Variants in PRMT8 observed in about 807,000 individuals in gnomAD.
PRMT8 encodes the protein protein arginine N-methyltransferase 8.
In PRMT8, 7 loss-of-function variants were observed where a neutral mutation model predicts 47.1. The ratio of observed to expected loss-of-function variants is 0.15; its 90% CI spans 0.08 to 0.28. The LOEUF is 0.28. Ranked by LOEUF, PRMT8 falls within the 10% of genes least tolerant of loss-of-function variation. The pLI is 1.00. For missense variants in PRMT8, 237 were observed against 505.4 expected, an observed-to-expected ratio of 0.47 and a Z score of 5.09; for synonymous variants, 188 against 186.5, an observed-to-expected ratio of 1.01 and a Z score of -0.07.
chr12:3,465,980 G>A (rs1182825887), intron 1 of PRMT8, among the ~76,000 whole-genome samples: 1 of 152,146 alleles, frequency 6.6e-6, no homozygotes, highest in African/African-American at 2.4e-5. Flanking sequence ...TGAAAGGGGG[G>A]AGCTAGCCAC....
chr12:3,581,840 C>G (rs1867073406), intron 7 of PRMT8, among the ~76,000 whole-genome samples: 2 of 152,218 alleles, frequency 1.3e-5, no homozygotes, highest in Non-Finnish European at 2.9e-5. Context: ...TCTGTCCATC[C>G]CTGTGGAGTT....
At chr12:3,560,460 G>A (rs758863507) in intron 4 of PRMT8, among the ~76,000 whole-genome samples, 3 of 152,168 alleles carry the variant, frequency 2.0e-5, no homozygotes, top group Admixed American at 1.3e-4. Context: ...GCCCACACGC[G>A]CGCTTCAGTG....
At position 3,409,042 on chromosome 12, in the gene PRMT8, G is replaced by A. The variant is rs573145374; in HGVS notation, c.48+27600G>A. ...GGCTGCAGTGGTGCTGGGTTCTGGGGTGCAGGTGCTCAGAGTGGCTGTAAA... is the reference window on the plus strand; with the variant it reads ...GGCTGCAGTGGTGCTGGGTTCTGGGATGCAGGTGCTCAGAGTGGCTGTAAA... On this transcript the variant is annotated intron_variant, in intron 1 of 9. Transcript: ENST00000452611. This position sits in a 1 kb window ranked among gnomAD's most constrained non-coding sequence, Gnocchi z 4.4. 3.9e-5 allele frequency among the ~76,000 whole-genome samples: 6 copies of A among 152,206 alleles called. No homozygotes were observed. Among genetic ancestry groups the A allele is most frequent in the African/African-American group, 1.4e-4 (6 of 41,452 alleles).
chr12:3,441,583 C>T (rs6489467), intron 1 of PRMT8, among the ~76,000 whole-genome samples: 31,789 of 152,174 alleles, frequency 0.21, 6,069 homozygotes, highest in African/African-American at 0.51. Flanking sequence ...GAGGGTGCTC[C>T]GTGCTCCACA....
intron 1 of PRMT8, among the ~76,000 whole-genome samples, chr12:3,516,064 C>T (rs1565428270): frequency 2.0e-5 from 3 of 152,228 alleles, no homozygotes; most frequent in African/African-American, 7.2e-5. Context: ...TGCCCAACCT[C>T]CTTCTGAGAT....
At position 3,552,194 on chromosome 12, in the gene PRMT8, T is replaced by G. The variant is rs1469047816; in HGVS notation, c.418-1457T>G. 6.5e-6 allele frequency: 1 copy of G among 153,134 alleles called. No homozygotes were observed. Among genetic ancestry groups the G allele is most frequent in the African/African-American group, 2.4e-5 (1 of 41,326 alleles). The allele number at this position is 153,134 out of a possible 1,614,324, so 9.5% of individuals were successfully genotyped here. A position where few individuals can be genotyped will look rare whatever the true frequency, so the allele number is the denominator to read the frequency against. ...GTGAGTCCAGATCGCGCCATTGCAC[T>G]CCAGCCTGGGCGACAAAGTGAGATT... is the stretch of plus-strand genomic sequence containing the variant. On this transcript the variant is annotated intron_variant, in intron 3 of 9. Transcript: ENST00000382622. This position sits in a 1 kb window ranked among gnomAD's most constrained non-coding sequence, Gnocchi z 4.5.
intron 4 of PRMT8, among the ~76,000 whole-genome samples, chr12:3,562,718 G>A (rs1381475581): frequency 2.0e-5 from 3 of 152,130 alleles, no homozygotes; most frequent in East Asian, 1.9e-4. Flanking sequence ...GGACATTGGC[G>A]GATGCTACAA....
rs923368655 is a variant in PRMT8, at chr12:3,593,535, A to G, written c.*353A>G. On this transcript the variant is annotated 3_prime_UTR_variant, in exon 10 of 10. Transcript: ENST00000382622. This position sits in a 1 kb window ranked among gnomAD's most constrained non-coding sequence, Gnocchi z 4.8. Reference sequence around the variant, plus strand: ...TGAGTTTTGCATGCTGCGGGTGTCTAGGACAGATTGCTTCCACTAGAACCT... The same window carrying G: ...TGAGTTTTGCATGCTGCGGGTGTCTGGGACAGATTGCTTCCACTAGAACCT... 6 of 294,138 alleles carry G rather than the reference A, an allele frequency of 2.0e-5. No homozygotes were observed. Among genetic ancestry groups the G allele is most frequent in the Non-Finnish European group, 3.2e-5 (5 of 156,272 alleles). The allele number at this position is 294,138 out of a possible 1,614,324, so 18.2% of individuals were successfully genotyped here. A position where few individuals can be genotyped will look rare whatever the true frequency, so the allele number is the denominator to read the frequency against.
At chr12:3,475,317 G>A (rs1011158893) in intron 1 of PRMT8, among the ~76,000 whole-genome samples, 2 of 152,208 alleles carry the variant, frequency 1.3e-5, no homozygotes, top group East Asian at 1.9e-4. Flanking sequence ...GGAAATGCAC[G>A]ATTTCTTATT....
rs910441892 is a variant in PRMT8 at position 3,460,719 on chromosome 12, T to A, written c.48+79277T>A. On this transcript the variant is annotated intron_variant, in intron 1 of 9. Transcript: ENST00000452611. ...TTGCCCAAGTCTCACAGCTAGCAAG[T>A]AAGAAGCTATAGGTTTCAAACTTGG... is the stretch of plus-strand genomic sequence containing the variant. 6.6e-5 allele frequency among the ~76,000 whole-genome samples: 10 copies of A among 151,820 alleles called. No homozygotes were observed. In the East Asian group the frequency reaches 1.7e-3, roughly 26 times the overall value.
intron 1 of PRMT8, among the ~76,000 whole-genome samples, chr12:3,428,865 T>C (rs1180941798): frequency 6.6e-6 from 1 of 151,774 alleles, no homozygotes; most frequent in Admixed American, 6.6e-5. Flanking sequence ...ACTCTCTCTT[T>C]GTCTCTCTGT....
intron 1 of PRMT8, among the ~76,000 whole-genome samples, chr12:3,454,475 G>C (rs887588534): frequency 6.6e-6 from 1 of 152,158 alleles, no homozygotes; most frequent in Admixed American, 6.5e-5. Context: ...GGGGAGGGGG[G>C]TGTCTAGGAA....
At chr12:3,536,740 C>T (rs1397090955) in intron 1 of PRMT8, among the ~76,000 whole-genome samples, 2 of 152,196 alleles carry the variant, frequency 1.3e-5, no homozygotes, top group Admixed American at 6.5e-5. Flanking sequence ...CTTGCTTGGA[C>T]ACCGGAGTGC....
At chr12:3,562,629 TCTCTTCTCAA>T (rs1866656318) in intron 4 of PRMT8, among the ~76,000 whole-genome samples, 1 of 152,214 alleles carries the variant, frequency 6.6e-6, no homozygotes, top group Non-Finnish European at 1.5e-5. Flanking sequence ...CGTGCGCTCA[TCTCTTCTCAA>T]CTCTGCCTTG....
At chr12:3,511,013 G>T (rs1865705088) in intron 1 of PRMT8, among the ~76,000 whole-genome samples, 1 of 152,224 alleles carries the variant, frequency 6.6e-6, no homozygotes, top group African/African-American at 2.4e-5. Context: ...AAAAGTGGAT[G>T]AAATGATCCC....
chr12:3,535,183 C>A lies in PRMT8; in HGVS notation c.76-5423C>A, dbSNP rs1239851990. On this transcript the variant is annotated intron_variant, in intron 1 of 9. Transcript: ENST00000382622. This position sits in a 1 kb window ranked among gnomAD's most constrained non-coding sequence, Gnocchi z 4.7. ...GACGAGCTCACAAGCTCACATGCCCCTTCTTCAGGAAGCCAGCTTCCTCCT... is the reference window on the plus strand; with the variant it reads ...GACGAGCTCACAAGCTCACATGCCCATTCTTCAGGAAGCCAGCTTCCTCCT... Among the ~76,000 whole-genome samples, 2 of 152,228 alleles carry A rather than the reference C, an allele frequency of 1.3e-5. No homozygotes were observed. The highest frequency in any genetic ancestry group is 2.9e-5 in the Non-Finnish European group (2 of 68,046).
In PRMT8 at chr12:3,461,907, T is replaced by C. The variant is rs565623311; in HGVS notation, c.49-78699T>C. 2.6e-5 allele frequency among the ~76,000 whole-genome samples: 4 copies of C among 152,146 alleles called. 1 individual carries two copies. Among genetic ancestry groups the C allele is most frequent in the African/African-American group, 7.2e-5 (3 of 41,410 alleles). On this transcript the variant is annotated intron_variant, in intron 1 of 9. Coordinates refer to the PRMT8 transcript ENST00000452611. ...AAACCAAAACAAAACAAAAATAACT[T>C]TTATTTTAGGTTCAGGATTACATGT...
chr12:3,467,430 G>A (rs1401642402), intron 1 of PRMT8, among the ~76,000 whole-genome samples: 1 of 151,992 alleles, frequency 6.6e-6, no homozygotes, highest in Non-Finnish European at 1.5e-5. Flanking sequence ...GAGGCCACAG[G>A]CTGATTGTCC....
rs79999616 is a variant in PRMT8, at chr12:3,537,452, C to A, written c.76-3154C>A. 2.7e-3 allele frequency among the ~76,000 whole-genome samples: 405 copies of A among 152,250 alleles called. 5 individuals are homozygous for A. The East Asian group carries it at 0.058, about 22-fold the overall frequency. On this transcript the variant is annotated intron_variant, in intron 1 of 9. Transcript: ENST00000382622. ...CCTTTGTCTGCCACATATGTTAAAA[C>A]GTACTTCTCGGTTTATCATTTGCCT...
Sources: gnomAD v4.1 joint callset for allele counts (sites outside exome capture counted in the v4.1 genomes callset) on GRCh38, gnomAD v4.1.1 for gene constraint, Gnocchi (gnomAD v3.1) non-coding constraint, MANE v1.5 for transcripts, NCBI Gene and HGNC (gene_info 2026-07-23, HGNC 2026-07-21) for gene names.